The following UGT1A9 variants were observed in gnomAD, a reference collection of about 807,000 sequenced individuals.
UGT1A9 encodes the protein UDP glucuronosyltransferase family 1 member A9.
A neutral mutation model predicts 45.0 loss-of-function variants in UGT1A9; 35 were observed. The ratio of observed to expected loss-of-function variants is 0.78; its 90% confidence interval spans 0.59 to 1.03. The LOEUF (loss-of-function observed/expected upper bound fraction) is 1.03. Among genes scored for constraint, UGT1A9 ranks in the 50% least tolerant of loss-of-function variants. The pLI, the probability that UGT1A9 is intolerant of heterozygous loss-of-function variation, is 0.00. For missense variants in UGT1A9, 687 were observed against 666.6 expected, an observed-to-expected ratio of 1.03 and a Z score of -0.34; for synonymous variants, 278 against 250.6, an observed-to-expected ratio of 1.11 and a Z score of -1.03.
chr2:233,735,021 C>G (rs939464650), intron 1 of UGT1A9, among the ~76,000 whole-genome samples: 5 of 152,270 alleles, frequency 3.3e-5, no homozygotes, highest in Non-Finnish European at 5.9e-5. Context: ...CTGTAGATGT[C>G]TATTAGGTCT....
In UGT1A9 at chr2:233,676,599, C is replaced by A. The variant is rs566895330; in HGVS notation, c.855+3810C>A. ...CACCTGAAATGTAGTCATCATGTCT[C>A]CTTTGTCTCCTCCAGCCTGTGACGG... On this transcript the variant is annotated intron_variant, in intron 1 of 4. Transcript: ENST00000354728. Among the ~76,000 whole-genome samples, 4 of 152,256 alleles carry A rather than the reference C, an allele frequency of 2.6e-5. No individual in the cohort carries two copies. The South Asian group carries it at 8.3e-4, about 32-fold the overall frequency.
chr2:233,700,609 T>TG (rs34100835), intron 1 of UGT1A9, among the ~76,000 whole-genome samples: 57 of 152,266 alleles, frequency 3.7e-4, no homozygotes, highest in African/African-American at 1.1e-3. Context: ...ACTCTTTTTT[T>TG]GGGGGGGTTC....
chr2:233,702,690 G>A (rs1234332787), intron 1 of UGT1A9, among the ~76,000 whole-genome samples: 1 of 152,084 alleles, frequency 6.6e-6, no homozygotes, highest in African/African-American at 2.4e-5. Flanking sequence ...GTTTGGTTTT[G>A]TCAAATGCTT....
At chr2:233,740,090 C>T (rs1463854417) in intron 1 of UGT1A9, among the ~76,000 whole-genome samples, 1 of 151,842 alleles carries the variant, frequency 6.6e-6, no homozygotes, top group Non-Finnish European at 1.5e-5. Context: ...CGCCTGCTGC[C>T]ATGTGAGACA....
At chr2:233,760,877 T>C in intron 1 of UGT1A9, 1 of 1,614,134 alleles carries the variant, frequency 6.2e-7, no homozygotes, top group South Asian at 1.1e-5. Flanking sequence ...CCCAGGCCTC[T>C]CTCCTCTCAT....
chr2:233,731,684 T>C (rs2078191188), intron 1 of UGT1A9, among the ~76,000 whole-genome samples: 1 of 152,270 alleles, frequency 6.6e-6, no homozygotes, highest in Non-Finnish European at 1.5e-5. Flanking sequence ...CAGTCTATCA[T>C]TGATGGACAT....
rs185880509 is a variant in UGT1A9 at position 233,715,758 on chromosome 2, C to T, written c.855+42969C>T. 7.9e-5 allele frequency among the ~76,000 whole-genome samples: 12 copies of T among 152,156 alleles called. No individual in the cohort carries two copies. In the East Asian group the frequency reaches 1.9e-3, roughly 24 times the overall value. ...CCTCACTCCAGCCTGAGTGACAGAG[C>T]GAGGACCCATCTCAAAAAAATAAAA... On this transcript the variant is annotated intron_variant, in intron 1 of 4. Coordinates refer to ENST00000354728, the MANE Select transcript of UGT1A9 (RefSeq NM_021027.3).
chr2:233,693,847 G>A, intron 1 of UGT1A9: 2 of 1,614,212 alleles, frequency 1.2e-6, no homozygotes, highest in Non-Finnish European at 1.7e-6. Flanking sequence ...ACTGTAAGAA[G>A]AGGAAAGACT....
chr2:233,680,666 T>C (rs10167119), intron 1 of UGT1A9, among the ~76,000 whole-genome samples: 51,822 of 151,980 alleles, frequency 0.34, 9,235 homozygotes, highest in South Asian at 0.41. Context: ...AGGCAAAGCA[T>C]GGGTGCTGTG....
intron 1 of UGT1A9, among the ~76,000 whole-genome samples, chr2:233,677,372 G>T (rs756842376): frequency 6.6e-6 from 1 of 152,074 alleles, no homozygotes; most frequent in Non-Finnish European, 1.5e-5. Flanking sequence ...GGACCAACCC[G>T]TGTGTAGTAG....
rs551553193 is a variant in UGT1A9, at chr2:233,693,077, G to A, written c.855+20288G>A. On this transcript the variant is annotated intron_variant, in intron 1 of 4. Transcript: ENST00000354728. ...CTTCTTAGCACTTTGGGGCATGGTT[G>A]TAGGTGACAAGCTGCTGGTGGTCCC... The A allele has an allele frequency of 1.2e-5, 20 of 1,614,204 alleles. No homozygotes were observed. In the East Asian group the frequency reaches 4.2e-4, roughly 34 times the overall value.
intron 1 of UGT1A9, chr2:233,719,459 C>G (rs758684998): frequency 1.9e-6 from 3 of 1,613,896 alleles, no homozygotes. Flanking sequence ...GGGTCAAGAA[C>G]ATGCTCTACC....
chr2:233,707,105 C>A lies in UGT1A9; in HGVS notation c.855+34316C>A, dbSNP rs183320889. Among the ~76,000 whole-genome samples the A allele has an allele frequency of 2.6e-5, 4 of 152,218 alleles. No homozygotes were observed. The East Asian group carries it at 7.7e-4, about 29-fold the overall frequency. On this transcript the variant is annotated intron_variant, in intron 1 of 4. Transcript: ENST00000354728. ...CACTTTGCATGGCAGCTGAGGGACC[C>A]CCAAAATACTCTGCATTAGGCTTTC...
intron 1 of UGT1A9, among the ~76,000 whole-genome samples, chr2:233,720,702 T>C (rs983825744): frequency 6.7e-6 from 1 of 150,354 alleles, no homozygotes; most frequent in African/African-American, 2.5e-5. Flanking sequence ...AAGGGAGCCA[T>C]CCTTTTTTTT....
At chr2:233,749,107 C>T (rs2125896789) in intron 1 of UGT1A9, among the ~76,000 whole-genome samples, 1 of 151,856 alleles carries the variant, frequency 6.6e-6, no homozygotes, top group Non-Finnish European at 1.5e-5. Flanking sequence ...GAGAATTCAG[C>T]CTTTTTATGT....
intron 1 of UGT1A9, chr2:233,755,181 C>G: frequency 8.3e-7 from 1 of 1,205,566 alleles, no homozygotes. Context: ...GTCGGGGTGC[C>G]ACTTGAGCGC....
chr2:233,693,795 C>T (rs1559346736), intron 1 of UGT1A9: 1 of 1,614,186 alleles, frequency 6.2e-7, no homozygotes, highest in East Asian at 2.2e-5. Flanking sequence ...CTTGAATATC[C>T]TAGGCCGGTC....
At chr2:233,731,192 A>C (rs1451773849) in intron 1 of UGT1A9, among the ~76,000 whole-genome samples, 1 of 152,106 alleles carries the variant, frequency 6.6e-6, no homozygotes. Context: ...GTAATTATTC[A>C]ATTATAAAAT....
intron 1 of UGT1A9, chr2:233,755,182 A>C (rs1337694117): frequency 1.7e-5 from 20 of 1,204,654 alleles, no homozygotes; most frequent in Non-Finnish European, 1.7e-5. Context: ...TCGGGGTGCC[A>C]CTTGAGCGCC....
Sources: gnomAD v4.1 joint callset for allele counts (sites outside exome capture counted in the v4.1 genomes callset) on GRCh38, gnomAD v4.1.1 for gene constraint, MANE v1.5 for transcripts, NCBI Gene and HGNC (gene_info 2026-07-23, HGNC 2026-07-21) for gene names.